The following SH3KBP1 variants were observed in gnomAD, a reference collection of about 807,000 sequenced individuals.
SH3KBP1 encodes the protein SH3 domain containing kinase binding protein 1, also known as SH3 domain-containing kinase-binding protein 1.
In SH3KBP1, 8 loss-of-function variants were observed where a neutral mutation model predicts 50.1. That is an observed-to-expected ratio of 0.16 (90% CI 0.09 to 0.29). The LOEUF (loss-of-function observed/expected upper bound fraction) is 0.29. SH3KBP1 is among the 10% of genes least tolerant of loss of function. The pLI is 1.00. For synonymous variants in SH3KBP1, 227 were observed against 218.6 expected (o/e 1.04, Z -0.34); for missense variants, 377 against 535.2 (o/e 0.70, Z 2.92).
At chrX:19,816,582 G>A (rs1329616729) in intron 2 of SH3KBP1, among the ~76,000 whole-genome samples, 2 of 111,386 alleles carry the variant, frequency 1.8e-5, no homozygotes, top group Non-Finnish European at 3.8e-5. Context: ...CCAAGGCAGT[G>A]GATTACTTGA....
intron 6 of SH3KBP1, among the ~76,000 whole-genome samples, chrX:19,683,557 A>G (rs1371161599): frequency 9.0e-6 from 1 of 111,305 alleles, no homozygotes; most frequent in Non-Finnish European, 1.9e-5. Flanking sequence ...CAGATAGAGA[A>G]GTACTGGTCC....
intron 6 of SH3KBP1, among the ~76,000 whole-genome samples, chrX:19,669,325 A>AATAATAATTATTATT (rs780980302): frequency 9.8e-5 from 10 of 102,546 alleles, no homozygotes; most frequent in African/African-American, 3.6e-4. Context: ...TAATAATAAT[A>AATAATAATTATTATT]ATTATTATTA....
At chrX:19,669,817 T>G (rs1318104194) in intron 6 of SH3KBP1, among the ~76,000 whole-genome samples, 12 of 111,695 alleles carry the variant, frequency 1.1e-4, no homozygotes, top group Non-Finnish European at 2.3e-4. Flanking sequence ...AGATGCCATT[T>G]AAAAACCTTT....
intron 2 of SH3KBP1, among the ~76,000 whole-genome samples, chrX:19,770,800 G>A (rs1313213269): frequency 1.8e-5 from 2 of 110,097 alleles, no homozygotes; most frequent in Non-Finnish European, 3.8e-5. Context: ...AATGATCAAC[G>A]ATATTGAGCT....
At chrX:19,555,667 CCT>C (rs1293853578) in intron 13 of SH3KBP1, among the ~76,000 whole-genome samples, 2 of 112,020 alleles carry the variant, frequency 1.8e-5, no homozygotes, top group Non-Finnish European at 3.8e-5. Flanking sequence ...TCCTCCACAC[CCT>C]GTCTCAGATT....
intron 12 of SH3KBP1, among the ~76,000 whole-genome samples, chrX:19,572,416 T>TAC: frequency 9.4e-6 from 1 of 105,984 alleles, no homozygotes; most frequent in African/African-American, 3.4e-5. Context: ...AGTACATACA[T>TAC]GTTATATAGT....
At chrX:19,710,773 G>A (rs2063759150) in intron 3 of SH3KBP1, among the ~76,000 whole-genome samples, 1 of 110,434 alleles carries the variant, frequency 9.1e-6, no homozygotes, top group African/African-American at 3.3e-5. Flanking sequence ...CGGGTAAGGG[G>A]GAACAACTGT....
At chrX:19,814,779 C>T (rs764740413) in intron 2 of SH3KBP1, among the ~76,000 whole-genome samples, 1 of 111,272 alleles carries the variant, frequency 9.0e-6, no homozygotes, top group Non-Finnish European at 1.9e-5. Context: ...GAGACTAGGC[C>T]CAGGGTGAGG....
intron 12 of SH3KBP1, among the ~76,000 whole-genome samples, chrX:19,573,664 T>C (rs1214866210): frequency 2.7e-5 from 3 of 111,664 alleles, no homozygotes; most frequent in African/African-American, 3.3e-5. Context: ...TTCTCTCCAA[T>C]AGTATTACCA....
chrX:19,546,066 G>GA lies in SH3KBP1; in HGVS notation c.1495-17dup. 1 of 1,210,192 alleles carries GA rather than the reference G, an allele frequency of 8.3e-7. No individual in the cohort carries two copies. The highest frequency in any genetic ancestry group is 2.2e-5 in the Admixed American group (1 of 45,987). On this transcript the variant is annotated splice_polypyrimidine_tract_variant and intron_variant, in intron 14 of 17. Coordinates refer to ENST00000397821, the MANE Select transcript of SH3KBP1 (RefSeq NM_031892.3). ...AAAGGGATGACTGATAAAGCCAAAA[G>GA]AAAATGCTTTTGTCAGAATTACACC...
At chrX:19,780,534 T>A (rs1253428316) in intron 2 of SH3KBP1, among the ~76,000 whole-genome samples, 4 of 107,145 alleles carry the variant, frequency 3.7e-5, no homozygotes, top group African/African-American at 1.4e-4. Context: ...ATGTCCTGAA[T>A]GGTATTGCCT....
chrX:19,635,391 G>A (rs1318609546), intron 7 of SH3KBP1, among the ~76,000 whole-genome samples: 1 of 107,746 alleles, frequency 9.3e-6, no homozygotes, highest in African/African-American at 3.4e-5. Flanking sequence ...GACACAGAGA[G>A]GGGAACAACA....
rs767674611 is a variant in SH3KBP1 at position 19,836,414 on chromosome X, A to C, written c.5-132T>G. 3.7e-3 allele frequency: 2,128 copies of C among 569,365 alleles called. 6 individuals are homozygous for C. Among genetic ancestry groups the C allele is most frequent in the Non-Finnish European group, 4.7e-3 (1,712 of 361,760 alleles). 46.9% of individuals were successfully genotyped at this position (569,365 alleles called of 1,213,427 possible). ...TACAAATATTCAAAATAACAGGGCC[A>C]CACACAGTAACCCAATTTTGGTTAA... is the stretch of plus-strand genomic sequence containing the variant. On this transcript the variant is annotated intron_variant, in intron 1 of 17. Coordinates refer to ENST00000397821, the MANE Select transcript of SH3KBP1 (RefSeq NM_031892.3).
At chrX:19,801,381 C>A (rs1483839295) in intron 2 of SH3KBP1, among the ~76,000 whole-genome samples, 1 of 111,908 alleles carries the variant, frequency 8.9e-6, no homozygotes, top group Admixed American at 9.5e-5. Context: ...CCCAATTATG[C>A]AAAATAACAA....
intron 2 of SH3KBP1, among the ~76,000 whole-genome samples, chrX:19,784,054 C>G (rs1046223496): frequency 2.7e-5 from 3 of 112,195 alleles, no homozygotes; most frequent in South Asian, 7.3e-4. Context: ...TGACGACCAT[C>G]TGGTTGCTAA....
At position 19,536,346 on chromosome X, in the gene SH3KBP1, AT is replaced by A; in HGVS notation, c.*70del. On this transcript the variant is annotated 3_prime_UTR_variant, in exon 18 of 18. Coordinates refer to ENST00000397821, the MANE Select transcript of SH3KBP1 (RefSeq NM_031892.3). ...ACCTTTAATCTTTTGGCACAAGATT[AT>A]TTTGGCTGGGGCAGAAAATTTGAGT... 1 of 710,448 alleles carries A rather than the reference AT, an allele frequency of 1.4e-6. No individual in the cohort carries two copies. Among genetic ancestry groups the A allele is most frequent in the Non-Finnish European group, 2.1e-6 (1 of 467,672 alleles). 58.5% of individuals were successfully genotyped at this position (710,448 alleles called of 1,213,427 possible).
At chrX:19,785,484 C>T (rs760922225) in intron 2 of SH3KBP1, among the ~76,000 whole-genome samples, 2 of 111,055 alleles carry the variant, frequency 1.8e-5, no homozygotes, top group Admixed American at 9.5e-5. Context: ...GCCAAGATTG[C>T]GCCACTGCAC....
chrX:19,824,739 A>G (rs976242776), intron 2 of SH3KBP1, among the ~76,000 whole-genome samples: 3 of 111,830 alleles, frequency 2.7e-5, no homozygotes, highest in African/African-American at 9.8e-5. Context: ...CACCACGATC[A>G]ACTCAGTCAG....
intron 13 of SH3KBP1, among the ~76,000 whole-genome samples, chrX:19,560,127 A>T (rs866744356): frequency 9.9e-6 from 1 of 100,849 alleles, no homozygotes; most frequent in Admixed American, 1.1e-4. Flanking sequence ...CACTAAAAAT[A>T]AAAAAAAAAA....
Sources: allele counts gnomAD v4.1 joint callset (sites outside exome capture counted in the v4.1 genomes callset), GRCh38; gene constraint gnomAD v4.1.1; transcripts MANE v1.5; gene names NCBI Gene and HGNC (gene_info 2026-07-23, HGNC 2026-07-21).